The following MYO5A variants were observed in gnomAD, a reference collection of about 807,000 sequenced individuals.
The protein encoded by MYO5A is myosin VA.
MYO5A carries 98 observed loss-of-function variants against 249.7 expected under a neutral mutation model. The observed-to-expected ratio is 0.39, with a 90% CI of 0.33 to 0.46. The LOEUF is 0.46. MYO5A is among the 20% of genes least tolerant of loss of function. The pLI is 0.98. For missense variants in MYO5A, 1,696 were observed against 2,308.8 expected (o/e 0.73, Z 5.44); for synonymous variants, 778 against 810.6 (o/e 0.96, Z 0.68).
chr15:52,338,536 T>C (rs564799394), intron 32 of MYO5A, among the ~76,000 whole-genome samples: 4 of 152,286 alleles, frequency 2.6e-5, no homozygotes, highest in African/African-American at 4.8e-5. Flanking sequence ...AAATGCACAA[T>C]TAAGATTGAG....
chr15:52,307,414 T>G lies in MYO5A; in HGVS notation c.*6282A>C, dbSNP rs549731238. ...GCATAAATGTAATTCTGATATTGTT[T>G]TGGTTTTTATCTTAGCACTAGGTGA... On this transcript the variant is annotated 3_prime_UTR_variant, in exon 42 of 42. Transcript: ENST00000399233. 57 of 152,306 alleles carry G rather than the reference T, an allele frequency of 3.7e-4. No homozygotes were observed. Among genetic ancestry groups the G allele is most frequent in the African/African-American group, 1.3e-3 (52 of 41,584 alleles). The allele number at this position is 152,306 out of a possible 1,614,324, so 9.4% of individuals were successfully genotyped here.
chr15:52,428,311 C>T, intron 3 of MYO5A, 87 bp downstream of exon 3: 3 of 1,384,524 alleles, frequency 2.2e-6, no homozygotes, highest in Non-Finnish European at 3.1e-6. Context: ...CCAACCACAG[C>T]CTGCTTTCCC....
intron 30 of MYO5A, among the ~76,000 whole-genome samples, chr15:52,346,030 A>G (rs1334997954): frequency 6.6e-6 from 1 of 152,224 alleles, no homozygotes; most frequent in African/African-American, 2.4e-5. Flanking sequence ...ACCATCCTGA[A>G]TAACAAATGA....
chr15:52,459,988 A>T (rs1163457249), intron 1 of MYO5A, among the ~76,000 whole-genome samples: 2 of 126,802 alleles, frequency 1.6e-5, no homozygotes, highest in African/African-American at 6.1e-5. Flanking sequence ...CGGGGCAGAG[A>T]CACTCCTCAG....
intron 23 of MYO5A, among the ~76,000 whole-genome samples, chr15:52,365,082 T>C (rs1173985839): frequency 6.6e-6 from 1 of 152,224 alleles, no homozygotes; most frequent in African/African-American, 2.4e-5. Context: ...TCTCTCAAAA[T>C]GACCTCCTCA....
chr15:52,527,609 C>T (rs778275438), intron 1 of MYO5A, among the ~76,000 whole-genome samples: 3 of 152,202 alleles, frequency 2.0e-5, no homozygotes, highest in Non-Finnish European at 4.4e-5. Flanking sequence ...GTAAGGGATG[C>T]AAGGCAAGTA....
At chr15:52,400,368 C>G (rs911316431) in intron 9 of MYO5A, among the ~76,000 whole-genome samples, 1 of 152,104 alleles carries the variant, frequency 6.6e-6, no homozygotes, top group Non-Finnish European at 1.5e-5. Context: ...ATATTTTAAA[C>G]TTTTTATCTA....
At chr15:52,510,858 C>T (rs935073642) in intron 1 of MYO5A, among the ~76,000 whole-genome samples, 1 of 152,210 alleles carries the variant, frequency 6.6e-6, no homozygotes, top group African/African-American at 2.4e-5. Context: ...ATGAGTCTTA[C>T]AGATTTGTGA....
intron 36 of MYO5A, among the ~76,000 whole-genome samples, chr15:52,326,792 A>G (rs767322503): frequency 1.3e-5 from 2 of 152,218 alleles, no homozygotes; most frequent in Admixed American, 6.5e-5. Flanking sequence ...CATGTTGACT[A>G]TCCACTTATC....
intron 1 of MYO5A, among the ~76,000 whole-genome samples, chr15:52,449,072 G>A (rs756789422): frequency 2.1e-5 from 3 of 143,072 alleles, no homozygotes; most frequent in South Asian, 2.3e-4. Context: ...GGGTTCAAGC[G>A]ATTTTCCTGC....
At chr15:52,349,020 T>G (rs992137965) in intron 28 of MYO5A, among the ~76,000 whole-genome samples, 194 bp from the exon 29 acceptor site, 1 of 152,200 alleles carries the variant, frequency 6.6e-6, no homozygotes, top group African/African-American at 2.4e-5. Flanking sequence ...GAGACTAATA[T>G]ATATTTATAT....
chr15:52,464,417 CTTCTT>C (rs1236699332), intron 1 of MYO5A, among the ~76,000 whole-genome samples: 2 of 152,170 alleles, frequency 1.3e-5, no homozygotes, highest in Non-Finnish European at 2.9e-5. Context: ...TTTCCCATCT[CTTCTT>C]AGGACTAGTT....
intron 39 of MYO5A, among the ~76,000 whole-genome samples, chr15:52,318,464 A>G (rs2038133359): frequency 1.3e-5 from 2 of 151,448 alleles, no homozygotes; most frequent in South Asian, 2.1e-4. Flanking sequence ...CTCAAAAAAA[A>G]AAAAAAAAAA....
intron 2 of MYO5A, among the ~76,000 whole-genome samples, chr15:52,429,720 A>G (rs1364944527): frequency 6.6e-6 from 1 of 151,972 alleles, no homozygotes; most frequent in African/African-American, 2.4e-5. Flanking sequence ...ACAAAACAAA[A>G]CAAACGACAT....
At chr15:52,509,794 T>C (rs745957790) in intron 1 of MYO5A, among the ~76,000 whole-genome samples, 1 of 152,144 alleles carries the variant, frequency 6.6e-6, no homozygotes, top group Non-Finnish European at 1.5e-5. Flanking sequence ...ATGATTCACG[T>C]TGAAATCAGA....
intron 24 of MYO5A, among the ~76,000 whole-genome samples, chr15:52,362,368 T>A (rs2040577302): frequency 6.6e-6 from 1 of 152,242 alleles, no homozygotes; most frequent in African/African-American, 2.4e-5. Context: ...AGTCAAGTAC[T>A]CATCTGTTAG....
intron 12 of MYO5A, among the ~76,000 whole-genome samples, chr15:52,390,895 G>C (rs1425090114): frequency 6.6e-6 from 1 of 151,918 alleles, no homozygotes; most frequent in African/African-American, 2.4e-5. Context: ...TATGTGAATA[G>C]GATAATTCTA....
At position 52,406,603 on chromosome 15, in the gene MYO5A, A is replaced by C. The variant is rs36088333; in HGVS notation, c.946+689T>G. On this transcript the variant is annotated intron_variant, in intron 8 of 41. Transcript: ENST00000399233. ...TAACTCACCTGAGGGTACTACTCAA[A>C]ATGCCATCATATGATTTTAGAGTTA... 4.4e-3 allele frequency among the ~76,000 whole-genome samples: 663 copies of C among 152,248 alleles called. 1 individual carries two copies. The highest frequency in any genetic ancestry group is 6.6e-3 in the Non-Finnish European group (450 of 68,010).
chr15:52,407,014 T>C (rs377160049), intron 8 of MYO5A, among the ~76,000 whole-genome samples: 10 of 152,206 alleles, frequency 6.6e-5, no homozygotes, highest in African/African-American at 1.7e-4. Flanking sequence ...AACAGTTTTA[T>C]TGAAGGCTAA....
Sources: allele counts gnomAD v4.1 joint callset (sites outside exome capture counted in the v4.1 genomes callset), GRCh38; gene constraint gnomAD v4.1.1; transcripts MANE v1.5; gene names NCBI Gene and HGNC (gene_info 2026-07-23, HGNC 2026-07-21).